PTPRM: variants seen among roughly 807,000 people sequenced by gnomAD.
PTPRM encodes receptor-type tyrosine-protein phosphatase mu.
In PTPRM, 47 loss-of-function variants were observed where a neutral mutation model predicts 186.7. That is an observed-to-expected ratio of 0.25 (90% confidence interval 0.20 to 0.32). PTPRM has a LOEUF of 0.32. PTPRM is among the 10% of genes least tolerant of loss of function. The pLI is 1.00. For synonymous variants in PTPRM, 668 were observed against 674.9 expected (o/e 0.99, Z 0.16); for missense variants, 1,494 against 1,865.0 (o/e 0.80, Z 3.66).
At chr18:7,824,784 G>C (rs775927663) in intron 2 of PTPRM, among the ~76,000 whole-genome samples, 46 of 152,274 alleles carry the variant, frequency 3.0e-4, no homozygotes, top group South Asian at 2.1e-4. Flanking sequence ...ATCCCAGCAT[G>C]CTTTGCCTAA....
At chr18:7,728,298 A>G (rs541188429) in intron 1 of PTPRM, among the ~76,000 whole-genome samples, 2 of 152,362 alleles carry the variant, frequency 1.3e-5, no homozygotes, top group South Asian at 4.1e-4. Flanking sequence ...ATGACCAGAA[A>G]GAATTAAGCA....
At chr18:7,872,458 G>A (rs1369268630) in intron 2 of PTPRM, among the ~76,000 whole-genome samples, 2 of 151,968 alleles carry the variant, frequency 1.3e-5, no homozygotes, top group South Asian at 2.1e-4. Flanking sequence ...GTGTTTATGG[G>A]TACCTGGTTT....
chr18:8,221,517 C>T (rs915849575), intron 14 of PTPRM, among the ~76,000 whole-genome samples: 1 of 152,134 alleles, frequency 6.6e-6, no homozygotes, highest in African/African-American at 2.4e-5. Flanking sequence ...CAGAGAGAGC[C>T]AATGCTGCCA....
At chr18:7,862,684 G>T (rs1180258963) in intron 2 of PTPRM, among the ~76,000 whole-genome samples, 1 of 152,214 alleles carries the variant, frequency 6.6e-6, no homozygotes, top group Non-Finnish European at 1.5e-5. Context: ...CTAAGACTGT[G>T]AATGGTGCTC....
intron 4 of PTPRM, among the ~76,000 whole-genome samples, chr18:7,918,078 T>TTG (rs35838540): frequency 0.15 from 21,657 of 147,966 alleles, 1,554 homozygotes; most frequent in Middle Eastern, 0.33. Context: ...TCTTGTGTGT[T>TTG]TGTGTGTGTG....
At chr18:7,949,004 G>A (rs2052749190) in intron 5 of PTPRM, among the ~76,000 whole-genome samples, 177 bp from the exon 6 acceptor site, 1 of 152,138 alleles carries the variant, frequency 6.6e-6, no homozygotes, top group Non-Finnish European at 1.5e-5. Context: ...TGTTGATCAT[G>A]GCAGAATTTT....
chr18:7,602,875 T>TA (rs2037437956), intron 1 of PTPRM, among the ~76,000 whole-genome samples: 1 of 148,268 alleles, frequency 6.7e-6, no homozygotes, highest in Non-Finnish European at 1.5e-5. Flanking sequence ...TATGAGTTAT[T>TA]ATGAAAATAT....
chr18:8,048,939 G>A (rs1483358243), intron 7 of PTPRM, among the ~76,000 whole-genome samples: 4 of 152,078 alleles, frequency 2.6e-5, no homozygotes, highest in Non-Finnish European at 4.4e-5. Flanking sequence ...TATCAGTTCC[G>A]GGTAAAATAT....
At chr18:8,019,877 C>G (rs1234458147) in intron 7 of PTPRM, among the ~76,000 whole-genome samples, 1 of 147,814 alleles carries the variant, frequency 6.8e-6, no homozygotes, top group Non-Finnish European at 1.5e-5. Context: ...TAAATTTAAC[C>G]CAACGCTCTT....
chr18:7,925,624 TCC>T (rs1481928996), intron 4 of PTPRM, among the ~76,000 whole-genome samples: 5 of 152,260 alleles, frequency 3.3e-5, no homozygotes, highest in African/African-American at 1.2e-4. Flanking sequence ...CTGGTTATTA[TCC>T]AGATTTATCT....
At chr18:7,780,181 A>G (rs1456344418) in intron 2 of PTPRM, among the ~76,000 whole-genome samples, 2 of 152,258 alleles carry the variant, frequency 1.3e-5, no homozygotes, top group Non-Finnish European at 2.9e-5. Context: ...TCTTGTACAT[A>G]TAAATGACAC....
chr18:8,064,450 C>T (rs1163391054), intron 7 of PTPRM, among the ~76,000 whole-genome samples: 2 of 151,676 alleles, frequency 1.3e-5, no homozygotes, highest in East Asian at 3.9e-4. Flanking sequence ...ATACTATTCT[C>T]CCTTATATAG....
At chr18:8,363,679 G>T (rs2095610561) in intron 23 of PTPRM, among the ~76,000 whole-genome samples, 1 of 152,288 alleles carries the variant, frequency 6.6e-6, no homozygotes, top group Admixed American at 6.5e-5. Context: ...TGAACCTCTT[G>T]AATAAGATGG....
intron 14 of PTPRM, among the ~76,000 whole-genome samples, chr18:8,195,152 C>CTTTT (rs1164451439): frequency 5.1e-5 from 6 of 117,046 alleles, no homozygotes; most frequent in African/African-American, 1.3e-4. Context: ...CTTAGAAGTT[C>CTTTT]TTTTTTTTTT....
chr18:7,800,027 G>T (rs959634994), intron 2 of PTPRM, among the ~76,000 whole-genome samples: 12 of 152,128 alleles, frequency 7.9e-5, no homozygotes, highest in Admixed American at 3.3e-4. Flanking sequence ...AGTAAGTATT[G>T]TGGGATATTT....
chr18:8,197,945 G>C (rs936938484), intron 14 of PTPRM, among the ~76,000 whole-genome samples: 1 of 152,136 alleles, frequency 6.6e-6, no homozygotes, highest in Non-Finnish European at 1.5e-5. Context: ...TCCCAGCCTC[G>C]AAGGGATCAT....
intron 14 of PTPRM, among the ~76,000 whole-genome samples, chr18:8,178,654 G>T (rs1349880211): frequency 6.6e-6 from 1 of 152,084 alleles, no homozygotes; most frequent in African/African-American, 2.4e-5. Flanking sequence ...GGGCATGGTG[G>T]TATGTGCCTG....
At chr18:8,064,805 A>T (rs1301739661) in intron 7 of PTPRM, among the ~76,000 whole-genome samples, 1 of 152,202 alleles carries the variant, frequency 6.6e-6, no homozygotes, top group Non-Finnish European at 1.5e-5. Context: ...GCTGCCTAGG[A>T]ATACTGAATT....
chr18:8,155,149 T>C (rs1023135595), intron 14 of PTPRM: 1 of 152,188 alleles, frequency 6.6e-6, no homozygotes, highest in Non-Finnish European at 1.5e-5. Flanking sequence ...CCATGTATAA[T>C]TAGATATATT....
Sources: gnomAD v4.1 joint callset for allele counts (sites outside exome capture counted in the v4.1 genomes callset) on GRCh38, gnomAD v4.1.1 for gene constraint, MANE v1.5 for transcripts, NCBI Gene and HGNC (gene_info 2026-07-23, HGNC 2026-07-21) for gene names.